USP22: variants seen among roughly 807,000 people sequenced by gnomAD.
USP22 encodes the protein ubiquitin specific peptidase 22, also known as ubiquitin carboxyl-terminal hydrolase 22.
In USP22, 22 loss-of-function variants were observed where a neutral mutation model predicts 68.1. The observed-to-expected ratio is 0.32, with a 90% CI of 0.23 to 0.46. USP22 has a LOEUF of 0.46. USP22 is among the 20% of genes least tolerant of loss of function. USP22 has a pLI of 1.00. For missense variants in USP22, 433 were observed against 695.8 expected (o/e 0.62, Z 4.25); for synonymous variants, 279 against 274.2 (o/e 1.02, Z -0.17).
intron 1 of USP22, among the ~76,000 whole-genome samples, chr17:21,040,315 A>C (rs777485942): frequency 7.2e-5 from 11 of 152,326 alleles, no homozygotes; most frequent in Non-Finnish European, 1.5e-4. Context: ...CTCTTCCTTA[A>C]CTGGGCCACT....
At chr17:21,041,705 C>G (rs1436545072) in intron 1 of USP22, among the ~76,000 whole-genome samples, 1 of 152,268 alleles carries the variant, frequency 6.6e-6, no homozygotes, top group East Asian at 1.9e-4. Context: ...GGAAACTGCC[C>G]TCACAACTCC....
chr17:21,030,887 T>C (rs772419570), intron 1 of USP22, among the ~76,000 whole-genome samples: 1 of 152,222 alleles, frequency 6.6e-6, no homozygotes, highest in Non-Finnish European at 1.5e-5. Context: ...GTATGTTAGA[T>C]AGTACTATTT....
At chr17:21,041,316 G>A (rs989244188) in intron 1 of USP22, among the ~76,000 whole-genome samples, 1 of 152,156 alleles carries the variant, frequency 6.6e-6, no homozygotes, top group Non-Finnish European at 1.5e-5. Context: ...AAAATTTTGA[G>A]GCCGGGCACG....
intron 1 of USP22, among the ~76,000 whole-genome samples, chr17:21,031,585 AG>A (rs1163400193): frequency 7.0e-6 from 1 of 143,746 alleles, no homozygotes; most frequent in African/African-American, 2.7e-5. Context: ...ACTCCATTAT[AG>A]TCTCTCTCTA....
chr17:21,010,494 T>C (rs1009827014), intron 8 of USP22, among the ~76,000 whole-genome samples: 15 of 151,802 alleles, frequency 9.9e-5, no homozygotes, highest in Non-Finnish European at 1.8e-4. Context: ...CTGGCCAACA[T>C]GGTAAAACCC....
rs567102093 is a variant in USP22 at position 21,012,582 on chromosome 17, C to T, written c.944+248G>A. 1.1e-4 allele frequency among the ~76,000 whole-genome samples: 16 copies of T among 152,212 alleles called. No homozygotes were observed. The South Asian group carries it at 3.3e-3, about 32-fold the overall frequency. ...GGTAGGGGAAGCTTCCAAGAACACA[C>T]TGCTGGCTGTAGACAACAGCCAAGA... On this transcript the variant is annotated intron_variant, in intron 7 of 12. Coordinates refer to ENST00000261497, the MANE Select transcript of USP22 (RefSeq NM_015276.2).
At chr17:21,030,518 A>G (rs1450444653) in intron 1 of USP22, among the ~76,000 whole-genome samples, 3 of 152,230 alleles carry the variant, frequency 2.0e-5, no homozygotes, top group African/African-American at 7.2e-5. Flanking sequence ...CCTCTACAAC[A>G]AAGAACTCTG....
At chr17:21,010,970 T>C (rs1189205959) in intron 8 of USP22, among the ~76,000 whole-genome samples, 181 bp downstream of exon 8, 3 of 152,120 alleles carry the variant, frequency 2.0e-5, no homozygotes, top group African/African-American at 7.2e-5. Context: ...ACAGAAATAT[T>C]GAGTCATCTG....
Position 21,036,965 on chromosome 17 carries a change from C to T in USP22, c.171+5700G>A, listed in dbSNP as rs117230833. Reference sequence around the variant, plus strand: ...AAAATGCTGGAGTCTAAGGCTGGGGCAGAAAACACATAAGATGATCCCAGA... The same window carrying T: ...AAAATGCTGGAGTCTAAGGCTGGGGTAGAAAACACATAAGATGATCCCAGA... On this transcript the variant is annotated intron_variant, in intron 1 of 12. Transcript: ENST00000261497. Among the ~76,000 whole-genome samples, 1,183 of 152,178 alleles carry T rather than the reference C, an allele frequency of 7.8e-3. 4 individuals are homozygous for T. The highest frequency in any genetic ancestry group is 0.012 in the South Asian group (60 of 4,814).
chr17:21,015,064 G>A (rs1914089180), intron 6 of USP22, among the ~76,000 whole-genome samples: 1 of 152,172 alleles, frequency 6.6e-6, no homozygotes, highest in East Asian at 1.9e-4. Flanking sequence ...TCAGCTGCAG[G>A]TCCCTCACAC....
At chr17:21,009,676 C>G (rs558176958) in intron 8 of USP22, among the ~76,000 whole-genome samples, 2 of 141,536 alleles carry the variant, frequency 1.4e-5, no homozygotes, top group Non-Finnish European at 3.2e-5. Flanking sequence ...TTTGGTTGGC[C>G]GGGCATGCTG....
chr17:21,013,763 C>T (rs981019727), intron 6 of USP22, among the ~76,000 whole-genome samples: 4 of 152,210 alleles, frequency 2.6e-5, no homozygotes, highest in African/African-American at 9.6e-5. Context: ...AATATCCATA[C>T]AGGAAGGCGC....
At position 21,006,964 on chromosome 17, in the gene USP22, C is replaced by T. The variant is rs774410640; in HGVS notation, c.1254G>A (p.Leu418=). 8.1e-6 allele frequency: 13 copies of T among 1,606,718 alleles called. No individual in the cohort carries two copies. In the African/African-American group the frequency reaches 1.3e-4, roughly 17 times the overall value. The change falls in exon 10 of 13, where the codon CTG becomes CTA. Residue 418 remains leucine (L), a synonymous_variant. Coordinates refer to ENST00000261497, the MANE Select transcript of USP22 (RefSeq NM_015276.2). ...ACACATACGTGGTGATCTTCCGCCG[C>T]AGCTTGGCTGAGTGTTCAAATCGCT... is the stretch of plus-strand genomic sequence containing the variant. ...HLKRFEHSAK[L]RRKITTYVSF...
chr17:21,036,645 G>A (rs909115992), intron 1 of USP22, among the ~76,000 whole-genome samples: 1 of 151,990 alleles, frequency 6.6e-6, no homozygotes, highest in African/African-American at 2.4e-5. Context: ...CATTTTCTCT[G>A]CTGGACAGAG....
intron 6 of USP22, 29 bp from the exon 7 acceptor site, chr17:21,012,964 G>C: frequency 3.1e-6 from 5 of 1,604,780 alleles, no homozygotes; most frequent in Non-Finnish European, 3.4e-6. Flanking sequence ...TCTGGGATTA[G>C]TGTCTCCCCA....
chr17:21,016,261 G>A (rs1486569017), intron 5 of USP22, among the ~76,000 whole-genome samples: 1 of 152,150 alleles, frequency 6.6e-6, no homozygotes, highest in Non-Finnish European at 1.5e-5. Flanking sequence ...CAGCACCTCC[G>A]CAAAGGGAAG....
Position 21,004,303 on chromosome 17 carries a change from G to A in USP22, c.1434C>T (p.Gly478=). ...VVNHQGTLES[G]HYTSFIRQHK... Reference sequence around the variant, plus strand: ...GCTGCCGGATAAAGCTGGTGTAGTGGCCACTCTCCAAGGTCCCTTGATGGT... The same window carrying A: ...GCTGCCGGATAAAGCTGGTGTAGTGACCACTCTCCAAGGTCCCTTGATGGT... Residue 478 remains glycine (G), a synonymous_variant, in exon 12 of 13, where the codon GGC becomes GGT. Transcript: ENST00000261497. The A allele has an allele frequency of 6.2e-7, 1 of 1,614,156 alleles. No individual in the cohort carries two copies. The highest frequency in any genetic ancestry group is 8.5e-7 in the Non-Finnish European group (1 of 1,180,008).
chr17:21,020,438 G>A (rs970285414), intron 3 of USP22, among the ~76,000 whole-genome samples: 3 of 151,014 alleles, frequency 2.0e-5, no homozygotes, highest in Non-Finnish European at 2.9e-5. Flanking sequence ...CTCACAAGAT[G>A]GCAAGGATCT....
chr17:21,034,710 C>T (rs1013226348), intron 1 of USP22, among the ~76,000 whole-genome samples: 2 of 152,122 alleles, frequency 1.3e-5, no homozygotes, highest in South Asian at 4.1e-4. Context: ...AAAGTGAACA[C>T]AAGCCACTTT....
Sources: allele counts gnomAD v4.1 joint callset (sites outside exome capture counted in the v4.1 genomes callset), GRCh38; gene constraint gnomAD v4.1.1; transcripts MANE v1.5; gene names NCBI Gene and HGNC (gene_info 2026-07-23, HGNC 2026-07-21).